The following CACNA2D4 variants were observed in gnomAD, a reference collection of about 807,000 sequenced individuals.
The protein encoded by CACNA2D4 is calcium voltage-gated channel auxiliary subunit alpha2delta 4.
CACNA2D4 carries 157 observed loss-of-function variants against 163.8 expected under a neutral mutation model. That is an observed-to-expected ratio of 0.96 (90% CI 0.84 to 1.09). The LOEUF (loss-of-function observed/expected upper bound fraction) is 1.09, where lower values mean the gene tolerates loss of function less well. CACNA2D4 is among the 50% of genes least tolerant of loss of function. The pLI is 0.00. For synonymous variants in CACNA2D4, 598 were observed against 586.9 expected (o/e 1.02, Z -0.27); for missense variants, 1,410 against 1,479.9 (o/e 0.95, Z 0.78).
intron 34 of CACNA2D4, chr12:1,797,765 G>T: frequency 1.7e-6 from 1 of 585,016 alleles, no homozygotes; most frequent in Admixed American, 3.0e-5. Context: ...GGGGCCCTGA[G>T]CCTCGGTGGA....
chr12:1,856,859 A>G (rs981571656), intron 20 of CACNA2D4, among the ~76,000 whole-genome samples: 1 of 152,194 alleles, frequency 6.6e-6, no homozygotes, highest in Admixed American at 6.5e-5. Context: ...GGGTAAGTCC[A>G]AGGAGGGGAT....
intron 26 of CACNA2D4, among the ~76,000 whole-genome samples, chr12:1,827,116 TCCTC>T (rs773757479): frequency 3.3e-5 from 5 of 152,022 alleles, no homozygotes; most frequent in Admixed American, 6.5e-5. Flanking sequence ...GGTGCGGGCA[TCCTC>T]CCTCCCTCCC....
intron 11 of CACNA2D4, 141 bp from the exon 12 acceptor site, chr12:1,884,462 C>T: frequency 1.4e-6 from 1 of 714,088 alleles, no homozygotes; most frequent in South Asian, 1.7e-5. Flanking sequence ...GAGGCCCAGG[C>T]AGCAACACAA....
At chr12:1,842,822 C>T (rs897369625) in intron 25 of CACNA2D4, among the ~76,000 whole-genome samples, 4 of 152,214 alleles carry the variant, frequency 2.6e-5, no homozygotes, top group African/African-American at 7.2e-5. Flanking sequence ...GAGGAGCTGC[C>T]TCTTTCAGCC....
intron 26 of CACNA2D4, chr12:1,831,207 G>C: frequency 1.2e-6 from 2 of 1,613,818 alleles, no homozygotes; most frequent in Non-Finnish European, 8.5e-7. Flanking sequence ...CATTTTCGGG[G>C]ACCTGACGAA....
chr12:1,868,006 A>C (rs1482286108), intron 18 of CACNA2D4, among the ~76,000 whole-genome samples: 2 of 152,206 alleles, frequency 1.3e-5, no homozygotes, highest in African/African-American at 4.8e-5. Context: ...ACCTTTGTAC[A>C]CTGTTGGTGG....
At chr12:1,916,052 G>A (rs538887232) in intron 1 of CACNA2D4, among the ~76,000 whole-genome samples, 23 of 152,318 alleles carry the variant, frequency 1.5e-4, no homozygotes, top group Admixed American at 1.4e-3. Flanking sequence ...TAGAAGTTTG[G>A]TAGAGGTTAG....
rs1866039885 is a variant in CACNA2D4 at position 1,882,943 on chromosome 12, A to C, written c.1409T>G (p.Leu470Arg). ...GACCATGGGGCGGCTGAGCACGTGCAGGTATTCCATCACGTTCTCCTGGGT... is the reference window on the plus strand; with the variant it reads ...GACCATGGGGCGGCTGAGCACGTGCCGGTATTCCATCACGTTCTCCTGGGT... ...ADTQENVMEY[L>R]HVLSRPMVIN... Residue 470 changes from leucine (L) to arginine (R), a missense_variant, in exon 13 of 38, where the codon CTG becomes CGG. Coordinates refer to ENST00000382722, the MANE Select transcript of CACNA2D4 (RefSeq NM_172364.5). 3 of 1,613,488 alleles carry C rather than the reference A, an allele frequency of 1.9e-6. No homozygotes were observed. The highest frequency in any genetic ancestry group is 2.5e-6 in the Non-Finnish European group (3 of 1,179,682).
At chr12:1,885,587 A>G (rs1312777171) in intron 9 of CACNA2D4, among the ~76,000 whole-genome samples, 1 of 152,230 alleles carries the variant, frequency 6.6e-6, no homozygotes, top group East Asian at 1.9e-4. Flanking sequence ...ACCAGAGGAA[A>G]GGATGACACT....
In CACNA2D4 at chr12:1,846,224, C is replaced by T. The variant is rs117906045; in HGVS notation, c.2342+370G>A. Among the ~76,000 whole-genome samples, 51 of 152,286 alleles carry T rather than the reference C, an allele frequency of 3.3e-4. 2 individuals carry two copies. The East Asian group carries it at 7.9e-3, about 24-fold the overall frequency. On this transcript the variant is annotated intron_variant, in intron 24 of 37. Coordinates refer to ENST00000382722, the MANE Select transcript of CACNA2D4 (RefSeq NM_172364.5). ...ACCAGCCCAGAGAGGAAAGCAATTT[C>T]GGCTTTGTCCCTTAGAGATTCCTCT...
In CACNA2D4 at chr12:1,799,875, G is replaced by A; in HGVS notation, c.2974+125C>T. On this transcript the variant is annotated intron_variant, in intron 33 of 37. Transcript: ENST00000382722. This position sits in a 1 kb window ranked among gnomAD's most constrained non-coding sequence, Gnocchi z 4.7. ...GAGAGAAGGCCACGCAGGGTGAGAT[G>A]TGAACAACGATGCTTCAGGGTCACC... is the stretch of plus-strand genomic sequence containing the variant. 1 of 1,277,136 alleles carries A rather than the reference G, an allele frequency of 7.8e-7. No homozygotes were observed. The highest frequency in any genetic ancestry group is 1.1e-6 in the Non-Finnish European group (1 of 904,974). 79.1% of individuals were successfully genotyped at this position (1,277,136 alleles called of 1,614,324 possible).
intron 13 of CACNA2D4, among the ~76,000 whole-genome samples, chr12:1,881,965 T>C (rs1225691884): frequency 6.6e-6 from 1 of 152,250 alleles, no homozygotes; most frequent in African/African-American, 2.4e-5. Flanking sequence ...CCAGCCTCCT[T>C]TGTCAGCACA....
At chr12:1,879,427 A>T (rs529998200) in intron 14 of CACNA2D4, among the ~76,000 whole-genome samples, 1 of 152,278 alleles carries the variant, frequency 6.6e-6, no homozygotes, top group South Asian at 2.1e-4. Flanking sequence ...AAGGCTCAAG[A>T]AATCCCCTCA....
At position 1,887,070 on chromosome 12, in the gene CACNA2D4, C is replaced by T. The variant is rs1384372541; in HGVS notation, c.782-1G>A. The stretch of plus-strand genomic sequence containing the variant: ...TTCTCATCAGGTGTCCATTTTATAC[C>T]TGGGAGAATAAAGACTCGTTCTTTT... On this transcript the variant is annotated splice_acceptor_variant, in intron 6 of 37. Coordinates refer to ENST00000382722, the MANE Select transcript of CACNA2D4 (RefSeq NM_172364.5). LOFTEE classifies it high-confidence loss of function. 6.3e-7 allele frequency: 1 copy of T among 1,580,790 alleles called. No individual in the cohort carries two copies. Among genetic ancestry groups the T allele is most frequent in the Non-Finnish European group, 8.6e-7 (1 of 1,159,952 alleles).
chr12:1,853,288 C>CT (rs1865327402), intron 23 of CACNA2D4, among the ~76,000 whole-genome samples: 1 of 152,078 alleles, frequency 6.6e-6, no homozygotes, highest in South Asian at 2.1e-4. Flanking sequence ...CCACATCTTG[C>CT]TTTTTTCAAT....
intron 6 of CACNA2D4, among the ~76,000 whole-genome samples, chr12:1,906,242 T>C (rs1003907593): frequency 6.6e-6 from 1 of 152,206 alleles, no homozygotes; most frequent in Non-Finnish European, 1.5e-5. Context: ...GGAAACACTT[T>C]ATGACATTAG....
intron 1 of CACNA2D4, among the ~76,000 whole-genome samples, chr12:1,915,678 T>C (rs1866956819): frequency 6.6e-6 from 1 of 152,202 alleles, no homozygotes; most frequent in Admixed American, 6.5e-5. Context: ...ACCCTCTGTG[T>C]AGGCAGCCTA....
intron 1 of CACNA2D4, 112 bp downstream of exon 1, chr12:1,918,135 C>T: frequency 1.3e-6 from 1 of 784,902 alleles, no homozygotes; most frequent in South Asian, 1.6e-5. Context: ...TGGGGAAAAG[C>T]CCAGAGGGAG....
rs377423092 is a variant in CACNA2D4, at chr12:1,858,640, C to G, written c.1945G>C (p.Gly649Arg). 3 of 1,600,770 alleles carry G rather than the reference C, an allele frequency of 1.9e-6. No homozygotes were observed. Among genetic ancestry groups the G allele is most frequent in the East Asian group, 2.3e-5 (1 of 44,434 alleles). Residue 649 changes from glycine (G) to arginine (R), a missense_variant, in exon 20 of 38, where the codon GGG becomes CGG. Coordinates refer to ENST00000382722, the MANE Select transcript of CACNA2D4 (RefSeq NM_172364.5). ...TDISDTPFSLGVVLSRGHGEY... is the reference protein window; with the variant it reads ...TDISDTPFSLRVVLSRGHGEY... ...CCGTGGCCCCGGGACAGCACCACCC[C>G]CAAACTGTGGGGAGAGAAGAGAAGG... is the stretch of plus-strand genomic sequence containing the variant.
Sources: allele counts gnomAD v4.1 joint callset (sites outside exome capture counted in the v4.1 genomes callset), GRCh38; gene constraint gnomAD v4.1.1; non-coding constraint Gnocchi (gnomAD v3.1); transcripts MANE v1.5; gene names NCBI Gene and HGNC (gene_info 2026-07-23, HGNC 2026-07-21).